The following CNTNAP2 variants were observed in gnomAD, a reference collection of about 807,000 sequenced individuals.
The protein encoded by CNTNAP2 is contactin-associated protein-like 2.
A neutral mutation model predicts 155.2 loss-of-function variants in CNTNAP2; 98 were observed. That is an observed-to-expected ratio of 0.63 (90% CI 0.54 to 0.75). The LOEUF is 0.75. CNTNAP2 is among the 30% of genes least tolerant of loss of function. The probability of loss-of-function intolerance (pLI) is 0.00; values close to 1 mark genes in which losing one functional copy is unlikely to be tolerated. For missense variants in CNTNAP2, 1,727 were observed against 1,688.1 expected (o/e 1.02, Z -0.40); for synonymous variants, 651 against 631.2 (o/e 1.03, Z -0.47).
intron 1 of CNTNAP2, among the ~76,000 whole-genome samples, chr7:146,418,396 A>G (rs949459911): frequency 2.0e-5 from 3 of 152,198 alleles, no homozygotes; most frequent in African/African-American, 7.2e-5. Flanking sequence ...ATATTTTTAA[A>G]TAGAAAAGGT....
chr7:147,147,832 C>A (rs1801738066), intron 8 of CNTNAP2, among the ~76,000 whole-genome samples: 1 of 152,112 alleles, frequency 6.6e-6, no homozygotes, highest in Non-Finnish European at 1.5e-5. Context: ...TACCCAGTAT[C>A]CTGTGAGAGT....
intron 20 of CNTNAP2, among the ~76,000 whole-genome samples, chr7:148,252,447 C>T (rs1348830605): frequency 1.3e-5 from 2 of 152,192 alleles, no homozygotes; most frequent in Non-Finnish European, 2.9e-5. Flanking sequence ...CTTTCTGCTT[C>T]CAGGTGCTTT....
At chr7:146,775,130 G>A (rs1396144293) in intron 2 of CNTNAP2, among the ~76,000 whole-genome samples, 1 of 152,280 alleles carries the variant, frequency 6.6e-6, no homozygotes, top group Non-Finnish European at 1.5e-5. Flanking sequence ...CAGTAAAACA[G>A]GAATGGTGGT....
chr7:147,477,920 T>A (rs1798350398), intron 10 of CNTNAP2, among the ~76,000 whole-genome samples: 2 of 152,238 alleles, frequency 1.3e-5, no homozygotes, highest in African/African-American at 4.8e-5. Context: ...AATGTAATAA[T>A]TAATACATTT....
At chr7:146,969,568 G>T (rs1468001509) in intron 3 of CNTNAP2, among the ~76,000 whole-genome samples, 1 of 152,012 alleles carries the variant, frequency 6.6e-6, no homozygotes, top group African/African-American at 2.4e-5. Flanking sequence ...TTATGTAATG[G>T]CCTTCTTTGT....
chr7:147,590,637 G>C (rs1342050142), intron 12 of CNTNAP2, among the ~76,000 whole-genome samples: 1 of 152,144 alleles, frequency 6.6e-6, no homozygotes, highest in African/African-American at 2.4e-5. Flanking sequence ...TGAGGATTCT[G>C]TCCGTGAACA....
At chr7:147,533,130 A>G (rs1378037002) in intron 11 of CNTNAP2, among the ~76,000 whole-genome samples, 1 of 152,234 alleles carries the variant, frequency 6.6e-6, no homozygotes, top group South Asian at 2.1e-4. Context: ...GATTATAATG[A>G]CAAAGCTATA....
At chr7:148,187,664 A>G (rs1473858567) in intron 18 of CNTNAP2, among the ~76,000 whole-genome samples, 1 of 152,222 alleles carries the variant, frequency 6.6e-6, no homozygotes, top group Admixed American at 6.5e-5. Context: ...GTTGTTACAA[A>G]GAGGAATTCA....
At chr7:146,469,171 C>G (rs1045105788) in intron 1 of CNTNAP2, among the ~76,000 whole-genome samples, 3 of 152,194 alleles carry the variant, frequency 2.0e-5, no homozygotes, top group Admixed American at 6.5e-5. Context: ...GCTGCCTTTA[C>G]CTGTCGCCCC....
intron 13 of CNTNAP2, among the ~76,000 whole-genome samples, chr7:147,767,839 G>A (rs759505588): frequency 2.0e-5 from 3 of 152,018 alleles, no homozygotes; most frequent in Non-Finnish European, 4.4e-5. Context: ...TTTGTCAAGA[G>A]ATTTCTAAAG....
At chr7:148,198,196 C>T (rs901967023) in intron 18 of CNTNAP2, among the ~76,000 whole-genome samples, 1 of 152,196 alleles carries the variant, frequency 6.6e-6, no homozygotes, top group Admixed American at 6.5e-5. Context: ...CACCACCCCC[C>T]ATGGCAGCAG....
At chr7:147,334,690 G>C (rs1294703415) in intron 9 of CNTNAP2, among the ~76,000 whole-genome samples, 5 of 152,152 alleles carry the variant, frequency 3.3e-5, no homozygotes, top group Non-Finnish European at 7.3e-5. Context: ...ATTGAGAGTA[G>C]ATAACCCTCT....
chr7:147,639,399 T>G (rs1795239004), intron 13 of CNTNAP2, 93 bp downstream of exon 13: 8 of 1,176,210 alleles, frequency 6.8e-6, no homozygotes, highest in Non-Finnish European at 9.9e-6. Context: ...CATTATCTTA[T>G]AGTCTAGTCT....
rs374360583 is a variant in CNTNAP2 at position 148,159,544 on chromosome 7, T to C, written c.2773+11835T>C. On this transcript the variant is annotated intron_variant, in intron 17 of 23. Coordinates refer to ENST00000361727, the MANE Select transcript of CNTNAP2 (RefSeq NM_014141.6). ...TATTTACCACGCATCATTTATTCTA[T>C]CCCCTAATGATGAATACCTAGGTTT... Among the ~76,000 whole-genome samples, 4 of 152,314 alleles carry C rather than the reference T, an allele frequency of 2.6e-5. No homozygotes were observed. The South Asian group carries it at 8.3e-4, about 32-fold the overall frequency.
chr7:147,206,384 G>C (rs1803024574), intron 8 of CNTNAP2, among the ~76,000 whole-genome samples: 1 of 151,762 alleles, frequency 6.6e-6, no homozygotes, highest in South Asian at 2.1e-4. Context: ...GGGCAACATT[G>C]TGAAACCCAA....
chr7:148,087,096 C>G (rs1415255952), intron 15 of CNTNAP2, among the ~76,000 whole-genome samples: 1 of 152,140 alleles, frequency 6.6e-6, no homozygotes, highest in African/African-American at 2.4e-5. Flanking sequence ...CAGTCCTCCT[C>G]CTCAGAACAC....
At chr7:147,451,100 G>T (rs1166082672) in intron 10 of CNTNAP2, among the ~76,000 whole-genome samples, 2 of 152,160 alleles carry the variant, frequency 1.3e-5, no homozygotes, top group Non-Finnish European at 2.9e-5. Context: ...GCTGAGGGAA[G>T]AGTCAATATA....
intron 15 of CNTNAP2, among the ~76,000 whole-genome samples, chr7:148,110,193 T>C (rs960506886): frequency 1.3e-5 from 2 of 152,186 alleles, no homozygotes; most frequent in Non-Finnish European, 2.9e-5. Flanking sequence ...CAGTCAGTGC[T>C]GAAACAGTTG....
intron 10 of CNTNAP2, among the ~76,000 whole-genome samples, chr7:147,427,928 C>T (rs1024404608): frequency 1.3e-5 from 2 of 151,808 alleles, no homozygotes; most frequent in African/African-American, 2.4e-5. Flanking sequence ...GAAAAGAATG[C>T]TAAAAGAAAG....
Sources: allele counts gnomAD v4.1 joint callset (sites outside exome capture counted in the v4.1 genomes callset), GRCh38; gene constraint gnomAD v4.1.1; transcripts MANE v1.5; gene names NCBI Gene and HGNC (gene_info 2026-07-23, HGNC 2026-07-21).